FBN1: variants seen among roughly 807,000 people sequenced by gnomAD.
FBN1 encodes the protein fibrillin-1.
In FBN1, 29 loss-of-function variants were observed where a neutral mutation model predicts 365.1. The observed-to-expected ratio is 0.08, with a 90% CI of 0.06 to 0.11. FBN1 has a LOEUF of 0.11. FBN1 is among the 10% of genes least tolerant of loss of function. The pLI is 1.00. For missense variants in FBN1, 2,476 were observed against 3,703.2 expected (o/e 0.67, Z 8.60); for synonymous variants, 1,210 against 1,270.5 (o/e 0.95, Z 1.01).
intron 2 of FBN1, among the ~76,000 whole-genome samples, chr15:48,637,695 A>G (rs1890119430): frequency 1.3e-5 from 2 of 152,208 alleles, no homozygotes; most frequent in African/African-American, 4.8e-5. Context: ...TCAACTATCA[A>G]AAACTATTCT....
intron 2 of FBN1, among the ~76,000 whole-genome samples, chr15:48,634,783 G>C (rs374510844): frequency 8.5e-6 from 1 of 116,994 alleles, no homozygotes. Context: ...AGAAGAAAAG[G>C]AAAAGATGGC....
intron 23 of FBN1, among the ~76,000 whole-genome samples, chr15:48,493,693 G>A (rs1366765741): frequency 6.6e-6 from 1 of 152,180 alleles, no homozygotes. Flanking sequence ...AAATTTTTCA[G>A]CTGCTGTGTC....
At chr15:48,415,866 C>T (rs1325734265) in intron 63 of FBN1, 99 bp from the exon 64 acceptor site, 6 of 976,426 alleles carry the variant, frequency 6.1e-6, no homozygotes, top group Non-Finnish European at 9.8e-6. Flanking sequence ...TGGCCCTCAG[C>T]TAGGCTCTCA....
rs1597529860 is a variant in FBN1, at chr15:48,441,824, C to T, written c.6060G>A (p.Glu2020=). ...KCEDIDECVE[E]PEICALGTCS... is the part of the protein sequence containing the mutation. ...ATGTGCCCAGGGCACAAATTTCTGG[C>T]TCTTCGACACACTCATCAATATCTA... is the stretch of plus-strand genomic sequence containing the variant. The change falls in exon 50 of 66, where the codon GAG becomes GAA. Residue 2020 remains glutamate, a synonymous_variant. Coordinates refer to ENST00000316623, the MANE Select transcript of FBN1 (RefSeq NM_000138.5). 6.2e-7 allele frequency: 1 copy of T among 1,613,598 alleles called. No individual in the cohort carries two copies.
At chr15:48,563,764 T>C (rs1443335292) in intron 6 of FBN1, among the ~76,000 whole-genome samples, 1 of 152,196 alleles carries the variant, frequency 6.6e-6, no homozygotes, top group Non-Finnish European at 1.5e-5. Flanking sequence ...TGTGTGCACA[T>C]CCTACAACGA....
chr15:48,551,751 A>G (rs547222959), intron 6 of FBN1, among the ~76,000 whole-genome samples: 97 of 152,238 alleles, frequency 6.4e-4, no homozygotes, highest in African/African-American at 2.0e-3. Flanking sequence ...GTTCCCACTT[A>G]TAAGTAAGAA....
chr15:48,465,975 T>G, intron 38 of FBN1, 117 bp from the exon 39 acceptor site: 2 of 763,230 alleles, frequency 2.6e-6, no homozygotes, highest in Non-Finnish European at 4.6e-6. Context: ...GAATCTTTAG[T>G]TGTTACTCTG....
intron 41 of FBN1, 22 bp from the exon 42 acceptor site, chr15:48,463,262 G>A (rs56197432): frequency 6.2e-7 from 1 of 1,608,790 alleles, no homozygotes; most frequent in African/African-American, 1.3e-5. Flanking sequence ...GTAAAAAAAA[G>A]GATTGGAGGG....
intron 43 of FBN1, 30 bp downstream of exon 43, chr15:48,460,216 G>T: frequency 6.3e-7 from 1 of 1,582,782 alleles, no homozygotes; most frequent in Non-Finnish European, 8.7e-7. Flanking sequence ...CAAAAAACCA[G>T]AAAGTTCTGA....
At chr15:48,589,130 G>A (rs187114208) in intron 6 of FBN1, among the ~76,000 whole-genome samples, 44 of 152,304 alleles carry the variant, frequency 2.9e-4, no homozygotes, top group African/African-American at 9.1e-4. Context: ...GCAGCAAAGA[G>A]AACTCAAGAG....
chr15:48,491,861 C>A (rs895831806), intron 24 of FBN1, among the ~76,000 whole-genome samples: 1 of 152,200 alleles, frequency 6.6e-6, no homozygotes, highest in South Asian at 2.1e-4. Context: ...CGATCTCAAA[C>A]TTGCCACTAT....
intron 2 of FBN1, among the ~76,000 whole-genome samples, chr15:48,633,088 C>T (rs541981421): frequency 6.6e-6 from 1 of 152,308 alleles, no homozygotes; most frequent in Non-Finnish European, 1.5e-5. Flanking sequence ...TTCCAAATGG[C>T]AGTTCTGCCT....
At chr15:48,605,836 C>T (rs1227587325) in intron 4 of FBN1, among the ~76,000 whole-genome samples, 2 of 152,192 alleles carry the variant, frequency 1.3e-5, no homozygotes, top group African/African-American at 4.8e-5. Flanking sequence ...GATCGCACCA[C>T]TGTACTCCAA....
rs727505110 is a variant in FBN1, at chr15:48,489,991, C to G, written c.2942G>C (p.Cys981Ser). The change falls in exon 25 of 66, where the codon TGC becomes TCC. Residue 981 changes from cysteine to serine, a missense_variant. Physicochemically the swap from Cys to Ser is moderately radical, Grantham distance 112 (BLOSUM62 -1). This residue lies in a region of FBN1 where 1,780 missense variants were observed against 2,840.8 expected (regional missense o/e 0.63). Coordinates refer to ENST00000316623, the MANE Select transcript of FBN1 (RefSeq NM_000138.5). ...ACCCCAGGCTGCCCCGACGGAGCAG[C>G]AGCAGGCGTCCATGCGGTGGCGGCC... ...IAGRHRMDACCCSVGAAWGTE... is the reference protein window; with the variant it reads ...IAGRHRMDACSCSVGAAWGTE... The G allele has an allele frequency of 6.2e-7, 1 of 1,614,156 alleles. No individual in the cohort carries two copies. The highest frequency in any genetic ancestry group is 8.5e-7 in the Non-Finnish European group (1 of 1,180,036).
At chr15:48,600,702 A>G (rs1310269134) in intron 4 of FBN1, among the ~76,000 whole-genome samples, 2 of 152,188 alleles carry the variant, frequency 1.3e-5, no homozygotes, top group Non-Finnish European at 2.9e-5. Context: ...GAGCGAAAGA[A>G]AGAAAAAAAA....
At chr15:48,528,907 G>C (rs1015568535) in intron 8 of FBN1, 3 of 152,086 alleles carry the variant, frequency 2.0e-5, no homozygotes, top group Admixed American at 2.0e-4. Context: ...TCTATTACCA[G>C]GCTGTGGTGG....
intron 56 of FBN1, 87 bp from the exon 57 acceptor site, chr15:48,428,558 T>TCCTC (rs2043000553): frequency 6.9e-7 from 1 of 1,452,830 alleles, no homozygotes; most frequent in Non-Finnish European, 9.7e-7. Context: ...GTTCCTTCCT[T>TCCTC]CCTCCCTCCC....
chr15:48,586,360 C>T (rs1199294517), intron 6 of FBN1, among the ~76,000 whole-genome samples: 4 of 152,066 alleles, frequency 2.6e-5, no homozygotes. Context: ...GGGGGCTGGC[C>T]TCCTACAGTC....
chr15:48,481,922 C>T (rs2043468488), intron 31 of FBN1, 142 bp from the exon 32 acceptor site: 2 of 806,184 alleles, frequency 2.5e-6, no homozygotes, highest in Admixed American at 4.4e-5. Context: ...TTTTAGAGGC[C>T]AATTTACATT....
Sources: gnomAD v4.1 joint callset for allele counts (sites outside exome capture counted in the v4.1 genomes callset) on GRCh38, gnomAD v4.1.1 for gene constraint, gnomAD v4.1.1 regional missense constraint, MANE v1.5 for transcripts, NCBI Gene and HGNC (gene_info 2026-07-23, HGNC 2026-07-21) for gene names.